Variants in HUS1 observed in about 807,000 individuals in gnomAD.
HUS1 encodes the protein HUS1 checkpoint clamp component, also known as checkpoint protein HUS1.
In HUS1, 31 loss-of-function variants were observed where a neutral mutation model predicts 32.6. The ratio of observed to expected loss-of-function variants is 0.95; its 90% CI spans 0.72 to 1.28. HUS1 has a LOEUF of 1.28. Ranked by LOEUF, HUS1 falls within the 50% of genes most tolerant of loss-of-function variation. HUS1 has a pLI of 0.00. For missense variants in HUS1, 340 were observed against 337.7 expected (o/e 1.01, Z -0.05); for synonymous variants, 123 against 116.6 (o/e 1.06, Z -0.36).
chr7:47,978,423 C>G lies in HUS1; in HGVS notation c.351G>C (p.Val117=). 2 of 1,613,888 alleles carry G rather than the reference C, an allele frequency of 1.2e-6. No individual in the cohort carries two copies. Among genetic ancestry groups the G allele is most frequent in the Non-Finnish European group, 1.7e-6 (2 of 1,179,744 alleles). Reference sequence around the variant, plus strand: ...CCCTGACTCTCCTACTCACCAGCTCCACGGAGACCGTGAGGCAGGGAAAGT... The same window carrying G: ...CCCTGACTCTCCTACTCACCAGCTCGACGGAGACCGTGAGGCAGGGAAAGT... The part of the protein sequence containing the change: ...NKHFPCLTVS[V]ELLSMSSSSR... The change falls in exon 3 of 8, where the codon GTG becomes GTC. Residue 117 remains valine, a synonymous_variant. Coordinates refer to ENST00000258774, the MANE Select transcript of HUS1 (RefSeq NM_004507.4).
Position 47,975,692 on chromosome 7 carries a change from A to C in HUS1, c.466-5T>G. ...GACTGGTAAATAAATACTAACCTAC[A>C]AAACCAATGAGAAAAAAGCACAAGT... On this transcript the variant is annotated splice_region_variant and splice_polypyrimidine_tract_variant and intron_variant, in intron 4 of 7. Transcript: ENST00000258774. 1 of 1,548,752 alleles carries C rather than the reference A, an allele frequency of 6.5e-7. No homozygotes were observed. Among genetic ancestry groups the C allele is most frequent in the Admixed American group, 1.8e-5 (1 of 56,298 alleles).
In HUS1 at chr7:47,965,300, C is replaced by T; in HGVS notation, c.*56G>A. 4 of 1,151,480 alleles carry T rather than the reference C, an allele frequency of 3.5e-6. No homozygotes were observed. The highest frequency in any genetic ancestry group is 1.2e-5 in the South Asian group (1 of 82,130). The allele number at this position is 1,151,480 out of a possible 1,614,324, so 71.3% of individuals were successfully genotyped here. A position where few individuals can be genotyped will look rare whatever the true frequency, so the allele number is the denominator to read the frequency against. On this transcript the variant is annotated 3_prime_UTR_variant, in exon 8 of 8. Coordinates refer to ENST00000258774, the MANE Select transcript of HUS1 (RefSeq NM_004507.4). ...CAGACCAGTGATCAGAACACAACAC[C>T]TGCGGCCTCTCCCATCCTGACAAAG... is the stretch of plus-strand genomic sequence containing the variant.
chr7:47,967,001 A>T (rs1413940225), intron 7 of HUS1, among the ~76,000 whole-genome samples: 1 of 152,114 alleles, frequency 6.6e-6, no homozygotes, highest in East Asian at 1.9e-4. Flanking sequence ...TCTCTCATTC[A>T]AAAGGGCTGG....
chr7:47,964,090 T>C lies in HUS1; in HGVS notation c.*1266A>G, dbSNP rs754143297. On this transcript the variant is annotated 3_prime_UTR_variant, in exon 8 of 8. Coordinates refer to ENST00000258774, the MANE Select transcript of HUS1 (RefSeq NM_004507.4). ...GTTTTGTAATGTGACATTAATATAA[T>C]GTTTATGGATGGGTGTGATGGCTGA... is the stretch of plus-strand genomic sequence containing the variant. 2 of 152,096 alleles carry C rather than the reference T, an allele frequency of 1.3e-5. No individual in the cohort carries two copies. The highest frequency in any genetic ancestry group is 1.9e-4 in the East Asian group (1 of 5,134). The allele number at this position is 152,096 out of a possible 1,614,324, so 9.4% of individuals were successfully genotyped here.
rs1562590636 is a variant in HUS1, at chr7:47,976,756, G to GT, written c.438dup (p.Gln147ThrfsTer9). The GT allele has an allele frequency of 6.2e-7, 1 of 1,612,492 alleles. No individual in the cohort carries two copies. The highest frequency in any genetic ancestry group is 8.5e-7 in the Non-Finnish European group (1 of 1,178,620). The stretch of plus-strand genomic sequence containing the variant: ...TCAGGATCTGGGACCACCGGTTCTT[G>GT]TAAGTCCTTCCACAATTTCCTAGGA... On this transcript the variant is annotated frameshift_variant, in exon 4 of 8. Transcript: ENST00000258774. LOFTEE classifies it high-confidence loss of function.
rs997768333 is a variant in HUS1, at chr7:47,976,787, C to T, written c.408G>A (p.Lys136=). 3.1e-6 allele frequency: 5 copies of T among 1,613,622 alleles called. No individual in the cohort carries two copies. The highest frequency in any genetic ancestry group is 4.2e-6 in the Non-Finnish European group (5 of 1,179,792). ...SRIVTHDIPI[K]VIPRKLWKDL... ...CCTTCCACAATTTCCTAGGAATCAC[C>T]TTTATGGGGATGTCATGGGTCACAA... The change falls in exon 4 of 8, where the codon AAG becomes AAA. Residue 136 remains lysine, a synonymous_variant. Coordinates refer to ENST00000258774, the MANE Select transcript of HUS1 (RefSeq NM_004507.4).
chr7:47,972,869 A>T (rs1288913419), intron 5 of HUS1, among the ~76,000 whole-genome samples: 6 of 152,190 alleles, frequency 3.9e-5, no homozygotes, highest in Non-Finnish European at 7.3e-5. Context: ...TAACATTTGA[A>T]GTACAATATA....
chr7:47,965,359 G>C lies in HUS1; in HGVS notation c.840C>G (p.Ser280=). The C allele has an allele frequency of 6.2e-7, 1 of 1,609,492 alleles. No individual in the cohort carries two copies. The highest frequency in any genetic ancestry group is 1.1e-5 in the South Asian group (1 of 90,996). ...TGCCAACTCCAGCGACAGGGTGCTA[G>C]GACAGCGCAGGGATGAAATACTGAA... ...VSLQYFIPAL[S] is the part of the protein sequence containing the mutation. The change falls in exon 8 of 8, where the codon TCC becomes TCG. Residue 280 remains serine (S), a synonymous_variant. Transcript: ENST00000258774.
rs1368004707 is a variant in HUS1, at chr7:47,963,409, A to G, written c.*1947T>C. ...AAACATCACATAGAGCAAATGGTTAAGTCACTAACACATTCTCTTTAACAG... is the reference window on the plus strand; with the variant it reads ...AAACATCACATAGAGCAAATGGTTAGGTCACTAACACATTCTCTTTAACAG... On this transcript the variant is annotated 3_prime_UTR_variant, in exon 8 of 8. Transcript: ENST00000258774. 6.6e-6 allele frequency: 1 copy of G among 152,270 alleles called. No homozygotes were observed. The highest frequency in any genetic ancestry group is 2.4e-5 in the African/African-American group (1 of 41,478). The allele number at this position is 152,270 out of a possible 1,614,324, so 9.4% of individuals were successfully genotyped here.
At position 47,978,499 on chromosome 7, in the gene HUS1, AAGGCTCG is replaced by A; in HGVS notation, c.268_274del (p.Arg90Ter). 1 of 1,614,236 alleles carries A rather than the reference AAGGCTCG, an allele frequency of 6.2e-7. No individual in the cohort carries two copies. Among genetic ancestry groups the A allele is most frequent in the South Asian group, 1.1e-5 (1 of 91,082 alleles). ...AGCCCTGGCATTCTGGGCAGTCTTC[AAGGCTCG>A]AGATAAGTTTTCCGATGTTAGCTCT... On this transcript the variant is annotated frameshift_variant, in exon 3 of 8. Coordinates refer to ENST00000258774, the MANE Select transcript of HUS1 (RefSeq NM_004507.4). LOFTEE classifies it high-confidence loss of function.
chr7:47,968,505 G>A (rs1385147956), intron 6 of HUS1, among the ~76,000 whole-genome samples: 1 of 152,158 alleles, frequency 6.6e-6, no homozygotes, highest in Non-Finnish European at 1.5e-5. Context: ...AAGCAGACTC[G>A]TAGTAACTTA....
At position 47,979,591 on chromosome 7, in the gene HUS1, C is replaced by T. The variant is rs574652177; in HGVS notation, c.-72G>A. Reference sequence around the variant, plus strand: ...AGCGTCGCGCCCTGAGTGTCCCCGCCCGGAAACACGGCAGCGCGAACAGTG... The same window carrying T: ...AGCGTCGCGCCCTGAGTGTCCCCGCTCGGAAACACGGCAGCGCGAACAGTG... On this transcript the variant is annotated 5_prime_UTR_variant, in exon 1 of 8. Transcript: ENST00000258774. 3.3e-6 allele frequency: 4 copies of T among 1,219,490 alleles called. No individual in the cohort carries two copies. In the East Asian group the frequency reaches 7.0e-5, roughly 21 times the overall value. The allele number at this position is 1,219,490 out of a possible 1,614,324, so 75.5% of individuals were successfully genotyped here.
chr7:47,978,403 A>C lies in HUS1; in HGVS notation c.357+14T>G. ...CAAGACTTCTGTGTTAGAAACCCTG[A>C]CTCTCCTACTCACCAGCTCCACGGA... On this transcript the variant is annotated intron_variant, in intron 3 of 7. Coordinates refer to ENST00000258774, the MANE Select transcript of HUS1 (RefSeq NM_004507.4). 1 of 1,604,792 alleles carries C rather than the reference A, an allele frequency of 6.2e-7. No homozygotes were observed. The highest frequency in any genetic ancestry group is 8.5e-7 in the Non-Finnish European group (1 of 1,172,546).
chr7:47,974,000 G>A (rs1269762689), intron 5 of HUS1, among the ~76,000 whole-genome samples: 2 of 152,188 alleles, frequency 1.3e-5, no homozygotes, highest in African/African-American at 4.8e-5. Context: ...CGTCAGCACA[G>A]TGCACACTGC....
intron 7 of HUS1, among the ~76,000 whole-genome samples, chr7:47,967,563 T>C (rs1289964562): frequency 2.0e-5 from 3 of 152,198 alleles, no homozygotes; most frequent in Non-Finnish European, 2.9e-5. Flanking sequence ...CCAACCAGTG[T>C]GGCTGCAGGT....
intron 5 of HUS1, among the ~76,000 whole-genome samples, chr7:47,969,582 C>T (rs2128765043): frequency 6.6e-6 from 1 of 152,306 alleles, no homozygotes; most frequent in Non-Finnish European, 1.5e-5. Flanking sequence ...GATGTGAAAA[C>T]AGGTGGAACT....
chr7:47,979,571 C>A lies in HUS1; in HGVS notation c.-52G>T, dbSNP rs757678727. ...GCCTCTGTGGGTAACAGAAAAGCGTCGCGCCCTGAGTGTCCCCGCCCGGAA... is the reference window on the plus strand; with the variant it reads ...GCCTCTGTGGGTAACAGAAAAGCGTAGCGCCCTGAGTGTCCCCGCCCGGAA... On this transcript the variant is annotated 5_prime_UTR_variant, in exon 1 of 8. Transcript: ENST00000258774. 4 of 1,468,686 alleles carry A rather than the reference C, an allele frequency of 2.7e-6. No individual in the cohort carries two copies. Among genetic ancestry groups the A allele is most frequent in the Non-Finnish European group, 3.8e-6 (4 of 1,054,730 alleles). 91.0% of individuals were successfully genotyped at this position (1,468,686 alleles called of 1,614,324 possible).
intron 5 of HUS1, among the ~76,000 whole-genome samples, chr7:47,970,892 G>A (rs1788585671): frequency 6.6e-6 from 1 of 152,208 alleles, no homozygotes; most frequent in African/African-American, 2.4e-5. Flanking sequence ...GATAACCAAT[G>A]AAATCCTATT....
chr7:47,966,012 A>G (rs2128764206), intron 7 of HUS1, among the ~76,000 whole-genome samples: 1 of 151,824 alleles, frequency 6.6e-6, no homozygotes, highest in Admixed American at 6.6e-5. Context: ...GCTGCAGCAC[A>G]GCAGCCGAGG....
Sources: allele counts gnomAD v4.1 joint callset (sites outside exome capture counted in the v4.1 genomes callset), GRCh38; gene constraint gnomAD v4.1.1; transcripts MANE v1.5; gene names NCBI Gene and HGNC (gene_info 2026-07-23, HGNC 2026-07-21).